The following UGGT2 variants were observed in gnomAD, a reference collection of about 807,000 sequenced individuals.
UGGT2 encodes the protein UDP-glucose glycoprotein glucosyltransferase 2, also known as UDP-glucose:glycoprotein glucosyltransferase 2.
Under a neutral mutation model 192.1 loss-of-function variants are expected in UGGT2, and 180 were observed. That is an observed-to-expected ratio of 0.94 (90% CI 0.83 to 1.06). UGGT2 has a LOEUF of 1.06. Among genes scored for constraint, UGGT2 ranks in the 50% least tolerant of loss-of-function variants. The pLI is 0.00. For synonymous variants in UGGT2, 580 were observed against 591.0 expected (o/e 0.98, Z 0.27); for missense variants, 1,849 against 1,795.7 (o/e 1.03, Z -0.54).
intron 4 of UGGT2, among the ~76,000 whole-genome samples, chr13:96,018,935 A>T (rs1052946539): frequency 2.6e-5 from 4 of 151,692 alleles, no homozygotes; most frequent in Admixed American, 2.6e-4. Flanking sequence ...AAGGAGAAAC[A>T]TATCTACAGA....
chr13:95,922,477 T>C (rs964021299), intron 20 of UGGT2, among the ~76,000 whole-genome samples: 1 of 152,202 alleles, frequency 6.6e-6, no homozygotes. Context: ...AATAAAGTCA[T>C]ATTGAAAGAA....
chr13:95,860,843 CT>C lies in UGGT2; in HGVS notation c.3684del (p.Asp1229MetfsTer3). The C allele has an allele frequency of 1.3e-6, 2 of 1,564,782 alleles. No individual in the cohort carries two copies. The highest frequency in any genetic ancestry group is 1.3e-5 in the South Asian group (1 of 79,538). ...GCAACTGAAAAAATGTTTAGGACAT[CT>C]TTTTCCTTTTTGTTTTCTTTATGCA... is the stretch of plus-strand genomic sequence containing the variant. ...VSLHKENKKE[K>X]DVLNIFSVAS... On this transcript the variant is annotated frameshift_variant, in exon 32 of 39. Transcript: ENST00000376747. LOFTEE classifies it high-confidence loss of function.
intron 12 of UGGT2, among the ~76,000 whole-genome samples, chr13:95,957,190 G>A (rs888817651): frequency 7.9e-5 from 12 of 152,218 alleles, no homozygotes; most frequent in Non-Finnish European, 1.8e-4. Flanking sequence ...GGGATTTAAT[G>A]TTTAATGTGA....
chr13:95,832,862 G>A (rs1594100798), intron 38 of UGGT2, 65 bp downstream of exon 38: 1 of 1,577,740 alleles, frequency 6.3e-7, no homozygotes, highest in Non-Finnish European at 8.7e-7. Flanking sequence ...AAATGAGTCT[G>A]TAGTCTATTC....
At chr13:95,988,076 A>T (rs895409226) in intron 8 of UGGT2, among the ~76,000 whole-genome samples, 2 of 150,872 alleles carry the variant, frequency 1.3e-5, no homozygotes, top group African/African-American at 2.4e-5. Flanking sequence ...CTCTCGACAC[A>T]CTCTCCAGGT....
intron 20 of UGGT2, among the ~76,000 whole-genome samples, chr13:95,909,237 C>T (rs1174543570): frequency 6.6e-6 from 1 of 152,104 alleles, no homozygotes; most frequent in East Asian, 1.9e-4. Flanking sequence ...TTTGACCCAG[C>T]CATCCCATTA....
chr13:95,924,972 G>C (rs1218872596), intron 20 of UGGT2, among the ~76,000 whole-genome samples: 1 of 152,126 alleles, frequency 6.6e-6, no homozygotes, highest in African/African-American at 2.4e-5. Flanking sequence ...CTAAATTCTT[G>C]AACCTCAGAA....
intron 30 of UGGT2, 83 bp downstream of exon 30, chr13:95,867,256 A>C: frequency 8.4e-7 from 1 of 1,190,562 alleles, no homozygotes; most frequent in Non-Finnish European, 1.2e-6. Flanking sequence ...GTTAATTGTA[A>C]AATAAATCAA....
At chr13:95,999,427 T>G (rs2051727690) in intron 5 of UGGT2, 120 bp from the exon 6 acceptor site, 3 of 879,666 alleles carry the variant, frequency 3.4e-6, no homozygotes, top group Admixed American at 4.7e-5. Context: ...AGGTTTTTAA[T>G]CACTCTGAAA....
intron 38 of UGGT2, among the ~76,000 whole-genome samples, chr13:95,821,998 T>A (rs1258163805): frequency 6.6e-6 from 1 of 152,190 alleles, no homozygotes; most frequent in African/African-American, 2.4e-5. Flanking sequence ...AGTGATGTGA[T>A]GCTTCCAGAT....
intron 36 of UGGT2, among the ~76,000 whole-genome samples, chr13:95,850,547 G>C (rs1381733199): frequency 6.6e-6 from 1 of 152,198 alleles, no homozygotes; most frequent in African/African-American, 2.4e-5. Flanking sequence ...ATGACACAAT[G>C]GGCACATGAA....
At chr13:95,822,594 A>G (rs1885620872) in intron 38 of UGGT2, among the ~76,000 whole-genome samples, 1 of 151,744 alleles carries the variant, frequency 6.6e-6, no homozygotes. Flanking sequence ...TAGTTCGTAC[A>G]TGTAAAGGTG....
intron 12 of UGGT2, among the ~76,000 whole-genome samples, chr13:95,965,440 A>C (rs1239693868): frequency 2.0e-5 from 3 of 151,914 alleles, no homozygotes; most frequent in Non-Finnish European, 2.9e-5. Context: ...TGTCCTTTGT[A>C]GGGACATGGA....
chr13:95,872,095 G>T (rs183058589), intron 29 of UGGT2, among the ~76,000 whole-genome samples: 2 of 152,218 alleles, frequency 1.3e-5, no homozygotes, highest in African/African-American at 4.8e-5. Context: ...CAATAATTTG[G>T]CATTAAAGGT....
intron 1 of UGGT2, among the ~76,000 whole-genome samples, chr13:96,047,228 C>G (rs2053341711): frequency 6.6e-6 from 1 of 152,160 alleles, no homozygotes; most frequent in African/African-American, 2.4e-5. Context: ...CCAGTAGGGG[C>G]CGACTGACAC....
chr13:95,975,169 A>G (rs1382444115), intron 10 of UGGT2, among the ~76,000 whole-genome samples: 1 of 152,200 alleles, frequency 6.6e-6, no homozygotes, highest in Non-Finnish European at 1.5e-5. Context: ...TAGGAATATG[A>G]ATATAGAGAT....
intron 31 of UGGT2, 71 bp downstream of exon 31, chr13:95,863,558 C>T: frequency 2.4e-6 from 3 of 1,239,344 alleles, no homozygotes; most frequent in Non-Finnish European, 3.5e-6. Flanking sequence ...ATTTTCACTA[C>T]CTGTGGAACT....
At chr13:95,964,753 T>A (rs942990175) in intron 12 of UGGT2, among the ~76,000 whole-genome samples, 1 of 152,044 alleles carries the variant, frequency 6.6e-6, no homozygotes, top group African/African-American at 2.4e-5. Flanking sequence ...TGGGATCTAA[T>A]TAAACTAAAG....
At chr13:95,853,440 A>T in intron 36 of UGGT2, 103 bp downstream of exon 36, 1 of 815,850 alleles carries the variant, frequency 1.2e-6, no homozygotes, top group Non-Finnish European at 1.9e-6. Context: ...ACAGCAGTAA[A>T]TTGAGAAAAA....
Sources: allele counts gnomAD v4.1 joint callset (sites outside exome capture counted in the v4.1 genomes callset), GRCh38; gene constraint gnomAD v4.1.1; transcripts MANE v1.5; gene names NCBI Gene and HGNC (gene_info 2026-07-23, HGNC 2026-07-21).